ITCH: variants seen among roughly 807,000 people sequenced by gnomAD.
The protein encoded by ITCH is E3 ubiquitin-protein ligase Itchy homolog.
Under a neutral mutation model 126.8 loss-of-function variants are expected in ITCH, and 28 were observed. The ratio of observed to expected loss-of-function variants is 0.22; its 90% confidence interval spans 0.16 to 0.30. ITCH has a LOEUF of 0.30. Ranked by LOEUF, ITCH falls within the 10% of genes least tolerant of loss-of-function variation. The pLI, the probability that ITCH is intolerant of heterozygous loss-of-function variation, is 1.00. For missense variants in ITCH, 631 were observed against 1,032.4 expected, an observed-to-expected ratio of 0.61 and a Z score of 5.33; for synonymous variants, 342 against 340.0, an observed-to-expected ratio of 1.01 and a Z score of -0.06.
intron 7 of ITCH, among the ~76,000 whole-genome samples, chr20:34,436,501 G>T (rs1422383998): frequency 6.6e-6 from 1 of 152,218 alleles, no homozygotes; most frequent in Non-Finnish European, 1.5e-5. Flanking sequence ...AAGAAGAGAA[G>T]CAGTGTCAAA....
chr20:34,483,018 C>A (rs796083417), intron 20 of ITCH, among the ~76,000 whole-genome samples: 3 of 152,174 alleles, frequency 2.0e-5, no homozygotes, highest in African/African-American at 7.2e-5. Context: ...AGCAACAACC[C>A]GGGCTGTACC....
intron 2 of ITCH, among the ~76,000 whole-genome samples, chr20:34,386,638 G>A (rs2038294055): frequency 6.6e-6 from 1 of 151,982 alleles, no homozygotes; most frequent in Admixed American, 6.6e-5. Context: ...AGAAAATATA[G>A]GGCTATATTA....
intron 22 of ITCH, among the ~76,000 whole-genome samples, chr20:34,490,825 A>G (rs1568999611): frequency 6.6e-6 from 1 of 152,174 alleles, no homozygotes; most frequent in African/African-American, 2.4e-5. Context: ...AGGAATTCCA[A>G]TCCTTGGTAT....
intron 12 of ITCH, among the ~76,000 whole-genome samples, chr20:34,456,212 ATATTTTTTTTTT>A (rs1985973224): frequency 4.2e-5 from 1 of 23,804 alleles, no homozygotes; most frequent in African/African-American, 1.9e-4. Context: ...ATATATATAT[ATATTTTTTTTTT>A]TTTTTTTTTT....
intron 14 of ITCH, among the ~76,000 whole-genome samples, chr20:34,464,182 G>T (rs1187647907): frequency 1.3e-5 from 2 of 150,726 alleles, no homozygotes; most frequent in Non-Finnish European, 3.0e-5. Context: ...TAGAGACGGG[G>T]TTTCACCACA....
chr20:34,442,853 A>G (rs904581350), intron 10 of ITCH, among the ~76,000 whole-genome samples: 1 of 150,666 alleles, frequency 6.6e-6, no homozygotes, highest in Non-Finnish European at 1.5e-5. Flanking sequence ...GCGGGCACCT[A>G]TAGTCCCAGC....
rs532955846 is a variant in ITCH, at chr20:34,490,597, C to T, written c.2319+671C>T. Among the ~76,000 whole-genome samples, 13 of 152,260 alleles carry T rather than the reference C, an allele frequency of 8.5e-5. No homozygotes were observed. The East Asian group carries it at 1.5e-3, about 18-fold the overall frequency. On this transcript the variant is annotated intron_variant, in intron 22 of 24. Transcript: ENST00000374864. ...GGCAGAGGTTGCAGTAAGCCAAGTT[C>T]GCACTACTGCACTCCAGCCTGGGTG...
At chr20:34,503,867 TTG>T in intron 23 of ITCH, among the ~76,000 whole-genome samples, 3 of 112,690 alleles carry the variant, frequency 2.7e-5, no homozygotes, top group Admixed American at 8.4e-5. Context: ...TTTTTTTTTT[TTG>T]GTTTTTTTTT....
chr20:34,394,663 A>G (rs1021922827), intron 3 of ITCH, among the ~76,000 whole-genome samples: 3 of 152,150 alleles, frequency 2.0e-5, no homozygotes, highest in Non-Finnish European at 4.4e-5. Flanking sequence ...TAAATAGGAG[A>G]AAAGGCGTAC....
intron 10 of ITCH, among the ~76,000 whole-genome samples, chr20:34,443,743 G>C (rs558099962): frequency 7.9e-5 from 12 of 152,146 alleles, no homozygotes; most frequent in Admixed American, 7.2e-4. Flanking sequence ...CTAGCACTTT[G>C]GGGGGACAAG....
chr20:34,385,209 GT>G (rs1440836561), intron 2 of ITCH, among the ~76,000 whole-genome samples: 20 of 141,294 alleles, frequency 1.4e-4, no homozygotes, highest in African/African-American at 3.5e-4. Flanking sequence ...GTGTGTGTGT[GT>G]GTGTGTGTGT....
chr20:34,504,123 T>G (rs961826596), intron 23 of ITCH, among the ~76,000 whole-genome samples: 1 of 152,010 alleles, frequency 6.6e-6, no homozygotes, highest in African/African-American at 2.4e-5. Context: ...TCAAGTGAGC[T>G]GCCCACCTTT....
intron 3 of ITCH, among the ~76,000 whole-genome samples, chr20:34,405,843 T>TA (rs1197791042): frequency 5.3e-5 from 8 of 152,000 alleles, no homozygotes; most frequent in Non-Finnish European, 7.4e-5. Flanking sequence ...AGGCTGGTCT[T>TA]AAACTCCTGG....
chr20:34,497,897 G>A (rs977104466), intron 23 of ITCH, among the ~76,000 whole-genome samples: 1 of 152,164 alleles, frequency 6.6e-6, no homozygotes, highest in Non-Finnish European at 1.5e-5. Flanking sequence ...ATTTCTGTAG[G>A]GATTGCATTG....
At chr20:34,475,968 C>T (rs908630876) in intron 16 of ITCH, 2 of 1,594,952 alleles carry the variant, frequency 1.3e-6, no homozygotes, top group Non-Finnish European at 1.7e-6. Flanking sequence ...GCATCAGCCA[C>T]TGTTTCAGGC....
In ITCH at chr20:34,419,341, ATTCCT is replaced by A. The variant is rs573340901; in HGVS notation, c.476-5125_476-5121del. 2.2e-3 allele frequency among the ~76,000 whole-genome samples: 330 copies of A among 152,226 alleles called. 12 individuals are homozygous for A. The South Asian group carries it at 0.049, about 23-fold the overall frequency. On this transcript the variant is annotated intron_variant, in intron 6 of 24. Coordinates refer to ENST00000374864, the MANE Select transcript of ITCH (RefSeq NM_031483.7). ...CCACCTGTATTTTTCTTCCTATATT[ATTCCT>A]TTCCTTTCCTTTCGAGATAATCACT...
chr20:34,460,702 G>A (rs1986426741), intron 13 of ITCH, among the ~76,000 whole-genome samples: 1 of 152,138 alleles, frequency 6.6e-6, no homozygotes, highest in Non-Finnish European at 1.5e-5. Context: ...TAGGTATTAA[G>A]GAGGTGGCAT....
At chr20:34,425,432 TGAG>T (rs1337355135) in intron 7 of ITCH, among the ~76,000 whole-genome samples, 1 of 152,038 alleles carries the variant, frequency 6.6e-6, no homozygotes, top group Non-Finnish European at 1.5e-5. Flanking sequence ...GGGTCTGTGC[TGAG>T]GAGGAGTAGT....
chr20:34,480,946 T>G, intron 19 of ITCH, 120 bp from the exon 20 acceptor site: 1 of 1,151,922 alleles, frequency 8.7e-7, no homozygotes, highest in East Asian at 2.5e-5. Flanking sequence ...TCTTATTTCT[T>G]CTTATTTTGA....
Sources: gnomAD v4.1 joint callset for allele counts (sites outside exome capture counted in the v4.1 genomes callset) on GRCh38, gnomAD v4.1.1 for gene constraint, MANE v1.5 for transcripts, NCBI Gene and HGNC (gene_info 2026-07-23, HGNC 2026-07-21) for gene names.